The following TTC39B variants were observed in gnomAD, a reference collection of about 807,000 sequenced individuals.
TTC39B encodes tetratricopeptide repeat domain 39B.
In TTC39B, 92 loss-of-function variants were observed where a neutral mutation model predicts 96.6. That is an observed-to-expected ratio of 0.95 (90% CI 0.80 to 1.13). The LOEUF is 1.13. TTC39B is among the 50% of genes most tolerant of loss of function. TTC39B has a pLI of 0.00. For missense variants in TTC39B, 955 were observed against 809.3 expected, an observed-to-expected ratio of 1.18 and a Z score of -2.18; for synonymous variants, 367 against 299.4, an observed-to-expected ratio of 1.23 and a Z score of -2.33.
intron 15 of TTC39B, among the ~76,000 whole-genome samples, chr9:15,186,078 C>T (rs963644805): frequency 6.6e-6 from 1 of 152,116 alleles, no homozygotes; most frequent in African/African-American, 2.4e-5. Context: ...CCTGGGAGCA[C>T]TTTCTTATGC....
At position 15,306,502 on chromosome 9, in the gene TTC39B, G is replaced by A. The variant is rs1824758378; in HGVS notation, c.240+582C>T. ...AGGGAGAGGGAAGCACCACAGCCTG[G>A]GCTGCGGCTCTAGCCCTCCAGCCCC... On this transcript the variant is annotated intron_variant, in intron 1 of 19. Coordinates refer to ENST00000512701, the Ensembl canonical transcript of TTC39B. This position sits in a 1 kb window ranked among gnomAD's most constrained non-coding sequence, Gnocchi z 5.1. Among the ~76,000 whole-genome samples, 1 of 152,178 alleles carries A rather than the reference G, an allele frequency of 6.6e-6. No individual in the cohort carries two copies. Among genetic ancestry groups the A allele is most frequent in the Non-Finnish European group, 1.5e-5 (1 of 68,024 alleles).
At chr9:15,211,475 C>T (rs1341696666) in intron 4 of TTC39B, 78 bp from the exon 5 acceptor site, 28 of 1,263,340 alleles carry the variant, frequency 2.2e-5, no homozygotes, top group Non-Finnish European at 2.9e-5. Context: ...AAATGCATGT[C>T]CTGACTTGCA....
rs538437070 is a variant in TTC39B, at chr9:15,275,043, T to G, written c.241-7095A>C. Among the ~76,000 whole-genome samples, 205 of 135,606 alleles carry G rather than the reference T, an allele frequency of 1.5e-3. 2 individuals carry two copies. The highest frequency in any genetic ancestry group is 5.6e-3 in the African/African-American group (184 of 32,588). 89.0% of individuals were successfully genotyped at this position (135,606 alleles called of 152,430 possible). A position where few individuals can be genotyped will look rare whatever the true frequency, so the allele number is the denominator to read the frequency against. ...CTCATATAATCCCACGTAAATTCTG[T>G]TTTTTTTTTTTTCCTGAGATGGAGT... is the stretch of plus-strand genomic sequence containing the variant. On this transcript the variant is annotated intron_variant, in intron 1 of 19. Coordinates refer to ENST00000512701, the Ensembl canonical transcript of TTC39B.
chr9:15,291,287 C>G (rs900681247), intron 1 of TTC39B, among the ~76,000 whole-genome samples: 2 of 152,216 alleles, frequency 1.3e-5, no homozygotes, highest in Non-Finnish European at 2.9e-5. Flanking sequence ...CAGGGCAAGT[C>G]TTTTCTGTGC....
intron 17 of TTC39B, among the ~76,000 whole-genome samples, chr9:15,178,773 G>A (rs558808735): frequency 1.3e-3 from 192 of 152,324 alleles, no homozygotes; most frequent in Non-Finnish European, 2.4e-3. Context: ...TGAGGAACAA[G>A]AAGGCTGCCT....
intron 1 of TTC39B, among the ~76,000 whole-genome samples, chr9:15,285,944 T>C (rs1823960318): frequency 6.6e-6 from 1 of 152,212 alleles, no homozygotes; most frequent in Admixed American, 6.5e-5. Flanking sequence ...TATAATCTGC[T>C]TTCTCACCCT....
In TTC39B at chr9:15,201,638, T is replaced by C. The variant is rs564200999; in HGVS notation, c.760-1713A>G. Among the ~76,000 whole-genome samples the C allele has an allele frequency of 3.9e-5, 6 of 152,238 alleles. No homozygotes were observed. In the South Asian group the frequency reaches 1.0e-3, roughly 26 times the overall value. On this transcript the variant is annotated intron_variant, in intron 7 of 19. Coordinates refer to ENST00000512701, the Ensembl canonical transcript of TTC39B. ...GTTTGGCCATGTGTGCATATGTAAT[T>C]CCACACTGCTGAAGAATCTATTGCA...
chr9:15,170,460 T>C (rs1315114324), exon 20 of TTC39B: 1 of 152,200 alleles, frequency 6.6e-6, no homozygotes, highest in Admixed American at 6.5e-5. Flanking sequence ...AAACCATAAT[T>C]ATTATAATAA....
In TTC39B at chr9:15,257,858, G is replaced by A. The variant is rs973895570; in HGVS notation, c.275+10056C>T. On this transcript the variant is annotated intron_variant, in intron 2 of 19. Coordinates refer to ENST00000512701, the Ensembl canonical transcript of TTC39B. ...GTGGATCATCTGAGATCGGGAGTTCGAGACCAGCCTGACTAACATGGAGAA... is the reference window on the plus strand; with the variant it reads ...GTGGATCATCTGAGATCGGGAGTTCAAGACCAGCCTGACTAACATGGAGAA... Among the ~76,000 whole-genome samples, 3 of 151,852 alleles carry A rather than the reference G, an allele frequency of 2.0e-5. 1 individual carries two copies. The highest frequency in any genetic ancestry group is 1.3e-4 in the Admixed American group (2 of 15,256).
At chr9:15,225,826 C>T (rs1821090271) in intron 3 of TTC39B, 91 bp downstream of exon 3, 1 of 1,206,924 alleles carries the variant, frequency 8.3e-7, no homozygotes, top group Non-Finnish European at 1.2e-6. Flanking sequence ...TTGTCAAACG[C>T]AATGCACTAT....
chr9:15,212,250 T>C (rs529419808), intron 4 of TTC39B, among the ~76,000 whole-genome samples: 124 of 152,318 alleles, frequency 8.1e-4, no homozygotes, highest in Non-Finnish European at 1.5e-3. Flanking sequence ...CCTTTGGTAA[T>C]TTGCAGCTTG....
At chr9:15,181,451 G>T (rs1818244259) in intron 17 of TTC39B, among the ~76,000 whole-genome samples, 2 of 152,204 alleles carry the variant, frequency 1.3e-5, no homozygotes, top group Admixed American at 6.5e-5. Flanking sequence ...AACAACTTTG[G>T]ATAGCATCTG....
Position 15,209,452 on chromosome 9 carries a change from T to A in TTC39B, c.691+636A>T, listed in dbSNP as rs541335266. On this transcript the variant is annotated intron_variant, in intron 6 of 19. Transcript: ENST00000512701. ...AAAGATATCAAAATTACTTTCACTT[T>A]GAAAAAAATGTTTAATAGCTTGTGG... 2.0e-5 allele frequency among the ~76,000 whole-genome samples: 3 copies of A among 152,242 alleles called. No individual in the cohort carries two copies. In the East Asian group the frequency reaches 5.8e-4, roughly 29 times the overall value.
intron 2 of TTC39B, among the ~76,000 whole-genome samples, chr9:15,226,497 T>C (rs1280589637): frequency 6.6e-6 from 1 of 152,234 alleles, no homozygotes; most frequent in Non-Finnish European, 1.5e-5. Flanking sequence ...TGATAATTTG[T>C]TACCTGTCCC....
chr9:15,277,150 T>A (rs12349819), intron 1 of TTC39B, among the ~76,000 whole-genome samples: 1 of 152,162 alleles, frequency 6.6e-6, no homozygotes, highest in African/African-American at 2.4e-5. Context: ...ATTTATGGGC[T>A]GGGCGCAGTG....
intron 2 of TTC39B, among the ~76,000 whole-genome samples, chr9:15,251,740 G>T (rs566827776): frequency 1.6e-3 from 140 of 89,770 alleles, no homozygotes; most frequent in Admixed American, 3.9e-3. Context: ...TATATATGTA[G>T]TATATATGGA....
intron 1 of TTC39B, among the ~76,000 whole-genome samples, chr9:15,270,251 C>T (rs1823293871): frequency 6.6e-6 from 1 of 152,008 alleles, no homozygotes; most frequent in East Asian, 1.9e-4. Flanking sequence ...ACATTAATAT[C>T]ATACTCCATA....
rs756119798 is a variant in TTC39B, at chr9:15,306,403, G to A, written c.240+681C>T. On this transcript the variant is annotated intron_variant, in intron 1 of 19. Coordinates refer to ENST00000512701, the Ensembl canonical transcript of TTC39B. The surrounding 1 kb of genome is among the most constrained non-coding windows in gnomAD (Gnocchi z 5.1). ...GTTGAAACCAAAGGAGGCCGGAGTC[G>A]GTTCTCAAAGTGGTTTCCCTCCGGC... Among the ~76,000 whole-genome samples the A allele has an allele frequency of 6.6e-6, 1 of 152,170 alleles. No homozygotes were observed. Among genetic ancestry groups the A allele is most frequent in the Non-Finnish European group, 1.5e-5 (1 of 68,028 alleles).
At chr9:15,270,596 C>A in intron 1 of TTC39B, among the ~76,000 whole-genome samples, 1 of 150,476 alleles carries the variant, frequency 6.6e-6, no homozygotes, top group Non-Finnish European at 1.5e-5. Flanking sequence ...GAAGTATTCC[C>A]ACCCCTCCAT....
Sources: allele counts gnomAD v4.1 joint callset (sites outside exome capture counted in the v4.1 genomes callset), GRCh38; gene constraint gnomAD v4.1.1; non-coding constraint Gnocchi (gnomAD v3.1); transcripts MANE v1.5; gene names NCBI Gene and HGNC (gene_info 2026-07-23, HGNC 2026-07-21).